Variants in PRKCH observed in about 807,000 individuals in gnomAD.
The protein encoded by PRKCH is protein kinase C eta type.
Under a neutral mutation model 82.5 loss-of-function variants are expected in PRKCH, and 28 were observed. That is an observed-to-expected ratio of 0.34 (90% CI 0.25 to 0.47). The LOEUF is 0.47. Among genes scored for constraint, PRKCH ranks in the 20% least tolerant of loss-of-function variants. The pLI is 1.00. For synonymous variants in PRKCH, 322 were observed against 327.4 expected, an observed-to-expected ratio of 0.98 and a Z score of 0.18; for missense variants, 705 against 881.8, an observed-to-expected ratio of 0.80 and a Z score of 2.54.
chr14:61,421,792 G>T (rs1029609492), intron 2 of PRKCH, among the ~76,000 whole-genome samples: 1 of 152,224 alleles, frequency 6.6e-6, no homozygotes, highest in African/African-American at 2.4e-5. Context: ...AGGTGGTGCT[G>T]TGTGGTAAGA....
chr14:61,261,531 C>CT (rs951079093), intron 1 of PRKCH, among the ~76,000 whole-genome samples: 1 of 152,212 alleles, frequency 6.6e-6, no homozygotes, highest in African/African-American at 2.4e-5. Flanking sequence ...TGGGCTCACA[C>CT]TTTACCCAAG....
At chr14:61,467,918 A>T (rs1245452724) in intron 9 of PRKCH, among the ~76,000 whole-genome samples, 3 of 152,168 alleles carry the variant, frequency 2.0e-5, no homozygotes, top group Non-Finnish European at 4.4e-5. Context: ...AGGCCTAGAA[A>T]CTGAGATCCA....
intron 2 of PRKCH, among the ~76,000 whole-genome samples, chr14:61,424,111 GT>G (rs1882993475): frequency 6.6e-6 from 1 of 152,188 alleles, no homozygotes; most frequent in Non-Finnish European, 1.5e-5. Flanking sequence ...ATGATTATAA[GT>G]TTCCTGAGGC....
rs182859544 is a variant in PRKCH, at chr14:61,326,316, G to C, written c.363+3852G>C. Reference sequence around the variant, plus strand: ...CAGGAATGAATCTCAGAATAATTATGCTGAGTGAAAGAAACTAGACAAAAA... The same window carrying C: ...CAGGAATGAATCTCAGAATAATTATCCTGAGTGAAAGAAACTAGACAAAAA... On this transcript the variant is annotated intron_variant, in intron 1 of 13. Coordinates refer to ENST00000332981, the MANE Select transcript of PRKCH (RefSeq NM_006255.5). Among the ~76,000 whole-genome samples, 860 of 152,274 alleles carry C rather than the reference G, an allele frequency of 5.6e-3. 4 individuals are homozygous for C. Among genetic ancestry groups the C allele is most frequent in the Non-Finnish European group, 8.4e-3 (572 of 68,014 alleles).
At chr14:61,464,004 A>G (rs1034425750) in intron 9 of PRKCH, among the ~76,000 whole-genome samples, 3 of 152,224 alleles carry the variant, frequency 2.0e-5, no homozygotes, top group African/African-American at 4.8e-5. Flanking sequence ...TATCTTGGCT[A>G]TTGTGAGTAA....
chr14:61,511,823 T>C (rs1302445518), intron 10 of PRKCH, among the ~76,000 whole-genome samples: 9 of 152,166 alleles, frequency 5.9e-5, no homozygotes, highest in Non-Finnish European at 8.8e-5. Flanking sequence ...GCAACCCAGA[T>C]CAAAAACTTC....
At chr14:61,325,099 G>A (rs577144993) in intron 1 of PRKCH, among the ~76,000 whole-genome samples, 17 of 152,332 alleles carry the variant, frequency 1.1e-4, no homozygotes, top group African/African-American at 3.6e-4. Flanking sequence ...TAAGTTTGTT[G>A]TAGAAATTGA....
chr14:61,410,164 G>A (rs1882190107), intron 2 of PRKCH, among the ~76,000 whole-genome samples: 2 of 152,150 alleles, frequency 1.3e-5, no homozygotes, highest in South Asian at 2.1e-4. Flanking sequence ...TGAATGACCA[G>A]ATGGCATCTC....
chr14:61,398,479 G>A (rs1218025450), intron 2 of PRKCH, among the ~76,000 whole-genome samples: 6 of 152,202 alleles, frequency 3.9e-5, no homozygotes, highest in African/African-American at 1.2e-4. Context: ...AAGATTTTAC[G>A]ATTTGAAGAG....
chr14:61,469,532 G>C (rs747699782), intron 9 of PRKCH, among the ~76,000 whole-genome samples: 2 of 152,178 alleles, frequency 1.3e-5, no homozygotes, highest in Non-Finnish European at 2.9e-5. Context: ...GTGATGAGCT[G>C]GGACTGCCAG....
At chr14:61,294,958 C>A (rs1228396917) in intron 1 of PRKCH, among the ~76,000 whole-genome samples, 2 of 152,126 alleles carry the variant, frequency 1.3e-5, no homozygotes, top group African/African-American at 2.4e-5. Flanking sequence ...CTGCAACCTG[C>A]ACCTCCCGGG....
chr14:61,356,342 C>T (rs1009568068), intron 1 of PRKCH, among the ~76,000 whole-genome samples: 1 of 152,192 alleles, frequency 6.6e-6, no homozygotes, highest in African/African-American at 2.4e-5. Flanking sequence ...TGTGCTCCTT[C>T]GTAATCCAGA....
intron 1 of PRKCH, among the ~76,000 whole-genome samples, chr14:61,203,473 A>G (rs1213215247): frequency 6.6e-6 from 1 of 152,030 alleles, no homozygotes; most frequent in Admixed American, 6.6e-5. Context: ...AAATGACAGG[A>G]CTGAAGATTT....
intron 1 of PRKCH, among the ~76,000 whole-genome samples, chr14:61,282,079 A>G (rs553273748): frequency 4.5e-4 from 68 of 152,092 alleles, no homozygotes; most frequent in African/African-American, 1.6e-3. Flanking sequence ...GTGCTGGACT[A>G]CATGTGATTT....
chr14:61,263,967 T>A (rs1388730278), intron 1 of PRKCH, among the ~76,000 whole-genome samples: 1 of 151,852 alleles, frequency 6.6e-6, no homozygotes, highest in Non-Finnish European at 1.5e-5. Context: ...TTTTATTTAA[T>A]CTCATATGCC....
upstream of PRKCH, among the ~76,000 whole-genome samples, chr14:61,320,694 T>C (rs1039725114): frequency 1.3e-5 from 2 of 152,188 alleles, no homozygotes; most frequent in African/African-American, 2.4e-5. Flanking sequence ...CTTTGCGGCA[T>C]AGCAGCGTAG....
intron 1 of PRKCH, among the ~76,000 whole-genome samples, chr14:61,336,838 G>A (rs1293191040): frequency 5.9e-5 from 9 of 152,094 alleles, no homozygotes; most frequent in Admixed American, 5.9e-4. Flanking sequence ...GGGGGCTGAG[G>A]TGGGCAGATT....
intron 6 of PRKCH, 110 bp from the exon 7 acceptor site, chr14:61,453,116 C>A (rs1431108342): frequency 1.5e-6 from 2 of 1,335,830 alleles, no homozygotes; most frequent in Admixed American, 1.7e-5. Flanking sequence ...TACTGTTCAG[C>A]CGGTATAATT....
chr14:61,230,289 A>ATGAG (rs1301720422), intron 1 of PRKCH, among the ~76,000 whole-genome samples: 4 of 151,378 alleles, frequency 2.6e-5, no homozygotes, highest in Admixed American at 2.0e-4. Context: ...TCATCTTTAG[A>ATGAG]CTCTGTTATT....
Sources: gnomAD v4.1 joint callset for allele counts (sites outside exome capture counted in the v4.1 genomes callset) on GRCh38, gnomAD v4.1.1 for gene constraint, MANE v1.5 for transcripts, NCBI Gene and HGNC (gene_info 2026-07-23, HGNC 2026-07-21) for gene names.